The following KIAA1328 variants were observed in gnomAD, a reference collection of about 807,000 sequenced individuals.
The protein encoded by KIAA1328 is protein hinderin.
KIAA1328 carries 52 observed loss-of-function variants against 68.1 expected under a neutral mutation model. The ratio of observed to expected loss-of-function variants is 0.76; its 90% CI spans 0.61 to 0.96. KIAA1328 has a LOEUF of 0.96. Among genes scored for constraint, KIAA1328 ranks in the 40% least tolerant of loss-of-function variants. The pLI is 0.00. For synonymous variants in KIAA1328, 232 were observed against 239.4 expected, an observed-to-expected ratio of 0.97 and a Z score of 0.28; for missense variants, 641 against 677.6, an observed-to-expected ratio of 0.95 and a Z score of 0.60.
intron 6 of KIAA1328, among the ~76,000 whole-genome samples, chr18:37,060,828 A>G (rs1833630766): frequency 6.6e-6 from 1 of 152,182 alleles, no homozygotes; most frequent in African/African-American, 2.4e-5. Context: ...GTGAAATACT[A>G]TGCAGCGGGC....
At chr18:36,858,642 CA>C (rs2047457330) in intron 4 of KIAA1328, among the ~76,000 whole-genome samples, 1 of 152,118 alleles carries the variant, frequency 6.6e-6, no homozygotes, top group Non-Finnish European at 1.5e-5. Context: ...TAATCTTCCC[CA>C]ATATATATAG....
intron 5 of KIAA1328, among the ~76,000 whole-genome samples, chr18:36,914,204 CAA>C (rs1020524802): frequency 1.5e-4 from 23 of 152,234 alleles, no homozygotes; most frequent in African/African-American, 4.6e-4. Context: ...ATGCAAGAAA[CAA>C]AGCCTGCTCA....
chr18:36,891,942 A>C (rs915047026), intron 5 of KIAA1328, among the ~76,000 whole-genome samples: 5 of 152,230 alleles, frequency 3.3e-5, no homozygotes, highest in African/African-American at 1.2e-4. Flanking sequence ...AGAATGAGCC[A>C]AAGATCCCAT....
chr18:36,873,204 C>T (rs1021751358), intron 4 of KIAA1328, among the ~76,000 whole-genome samples: 1 of 152,124 alleles, frequency 6.6e-6, no homozygotes, highest in South Asian at 2.1e-4. Flanking sequence ...TTACTATAAG[C>T]ACCAAAAAGA....
downstream of KIAA1328, chr18:37,231,953 T>C (rs558340895): frequency 2.0e-5 from 3 of 152,328 alleles, no homozygotes; most frequent in South Asian, 6.2e-4. Flanking sequence ...ACTTCACAGC[T>C]CTGGTTTCCT....
At chr18:37,051,124 T>G (rs1268284811) in intron 6 of KIAA1328, among the ~76,000 whole-genome samples, 3 of 152,160 alleles carry the variant, frequency 2.0e-5, no homozygotes, top group Non-Finnish European at 4.4e-5. Context: ...TCTCGTCATT[T>G]TTATAGCAAC....
chr18:36,924,255 G>A (rs923605874), intron 5 of KIAA1328, among the ~76,000 whole-genome samples: 9 of 152,022 alleles, frequency 5.9e-5, no homozygotes. Context: ...ATTTCTGGGG[G>A]CAGGATAAAA....
At chr18:36,915,398 T>TTTG (rs1666404133) in intron 5 of KIAA1328, among the ~76,000 whole-genome samples, 1 of 152,132 alleles carries the variant, frequency 6.6e-6, no homozygotes, top group Non-Finnish European at 1.5e-5. Flanking sequence ...AAAAAACTAT[T>TTTG]CTCCCGTAGG....
intron 5 of KIAA1328, among the ~76,000 whole-genome samples, chr18:36,948,791 C>T (rs981156160): frequency 7.9e-5 from 12 of 152,174 alleles, no homozygotes; most frequent in Non-Finnish European, 7.4e-5. Context: ...TCTGGTGATC[C>T]GCCCGCCTCG....
At chr18:37,102,407 A>G (rs1436420109) in intron 7 of KIAA1328, among the ~76,000 whole-genome samples, 1 of 152,216 alleles carries the variant, frequency 6.6e-6, no homozygotes, top group Admixed American at 6.5e-5. Context: ...CACATCCTGC[A>G]CATGCACCCC....
intron 6 of KIAA1328, among the ~76,000 whole-genome samples, chr18:37,064,959 T>C (rs1034702611): frequency 1.3e-5 from 2 of 152,232 alleles, no homozygotes; most frequent in African/African-American, 4.8e-5. Context: ...ACATTTGTGT[T>C]ATTTTAAGCC....
chr18:37,006,755 G>A (rs931626351), intron 6 of KIAA1328, among the ~76,000 whole-genome samples: 1 of 151,986 alleles, frequency 6.6e-6, no homozygotes, highest in African/African-American at 2.4e-5. Context: ...ATCTGTAAGT[G>A]TCTTCTCAGT....
In KIAA1328 at chr18:36,893,464, TTTG is replaced by T. The variant is rs1568132465; in HGVS notation, c.448+7794_448+7796del. Among the ~76,000 whole-genome samples, 142 of 126,568 alleles carry T rather than the reference TTTG, an allele frequency of 1.1e-3. No individual in the cohort carries two copies. The South Asian group carries it at 0.017, about 15-fold the overall frequency. 83.0% of individuals were successfully genotyped at this position (126,568 alleles called of 152,430 possible). ...GTGTGTGTGTGTGTGTGTGTGTGTT[TTTG>T]TGTGTGTGTGTGTGTGTGTGTGTGT... On this transcript the variant is annotated intron_variant, in intron 5 of 9. Coordinates refer to ENST00000280020, the MANE Select transcript of KIAA1328 (RefSeq NM_020776.3).
intron 6 of KIAA1328, among the ~76,000 whole-genome samples, chr18:37,036,127 G>T (rs1009590178): frequency 2.0e-5 from 3 of 152,168 alleles, no homozygotes; most frequent in East Asian, 1.9e-4. Context: ...ACCTTATTAC[G>T]TAAGCATTTG....
chr18:37,169,788 A>T (rs1354375765), intron 8 of KIAA1328, among the ~76,000 whole-genome samples: 1 of 152,222 alleles, frequency 6.6e-6, no homozygotes, highest in Non-Finnish European at 1.5e-5. Flanking sequence ...GGTAAAAGAT[A>T]TGGTTTCTTT....
At chr18:37,161,241 T>G (rs1466031702) in intron 8 of KIAA1328, among the ~76,000 whole-genome samples, 1 of 152,212 alleles carries the variant, frequency 6.6e-6, no homozygotes, top group African/African-American at 2.4e-5. Flanking sequence ...TCATAATCTC[T>G]GTAGCCACTC....
intron 7 of KIAA1328, among the ~76,000 whole-genome samples, chr18:37,148,327 A>T (rs750794621): frequency 6.6e-6 from 1 of 152,152 alleles, no homozygotes; most frequent in South Asian, 2.1e-4. Context: ...TTATGACTGC[A>T]TAGTATTCCA....
chr18:37,054,630 C>T (rs1389147791), intron 6 of KIAA1328, among the ~76,000 whole-genome samples: 2 of 151,930 alleles, frequency 1.3e-5, no homozygotes, highest in African/African-American at 2.4e-5. Context: ...ATGGATATAA[C>T]GATGGAAACA....
chr18:36,991,706 T>C (rs1022570350), intron 6 of KIAA1328, among the ~76,000 whole-genome samples: 2 of 152,230 alleles, frequency 1.3e-5, no homozygotes, highest in Admixed American at 1.3e-4. Flanking sequence ...TGTGGCTACA[T>C]GCAGCTGACA....
Sources: allele counts gnomAD v4.1 joint callset (sites outside exome capture counted in the v4.1 genomes callset), GRCh38; gene constraint gnomAD v4.1.1; transcripts MANE v1.5; gene names NCBI Gene and HGNC (gene_info 2026-07-23, HGNC 2026-07-21).